Variants in CCDC3 observed in about 807,000 individuals in gnomAD.
The protein encoded by CCDC3 is coiled-coil domain-containing protein 3.
In CCDC3, 24 loss-of-function variants were observed where a neutral mutation model predicts 21.4. That is an observed-to-expected ratio of 1.12 (90% CI 0.81 to 1.58). The LOEUF is 1.58. CCDC3 is among the 40% of genes most tolerant of loss of function. The probability of loss-of-function intolerance (pLI) is 0.00; values close to 1 mark genes in which losing one functional copy is unlikely to be tolerated. For synonymous variants in CCDC3, 186 were observed against 166.0 expected (o/e 1.12, Z -0.93); for missense variants, 425 against 360.9 (o/e 1.18, Z -1.44).
At chr10:13,088,013 G>T (rs1837133478) in intron 3 of CCDC3, among the ~76,000 whole-genome samples, 1 of 152,170 alleles carries the variant, frequency 6.6e-6, no homozygotes, top group South Asian at 2.1e-4. Context: ...TTTGAGAAAG[G>T]AGTTACTTCC....
At chr10:13,065,056 G>A (rs1206706857) in intron 4 of CCDC3, among the ~76,000 whole-genome samples, 1 of 152,108 alleles carries the variant, frequency 6.6e-6, no homozygotes, top group Non-Finnish European at 1.5e-5. Flanking sequence ...GCAGCCCCAA[G>A]ATTTCCGAGA....
chr10:13,010,497 C>T (rs1411276925), intron 5 of CCDC3, among the ~76,000 whole-genome samples: 2 of 152,110 alleles, frequency 1.3e-5, no homozygotes, highest in Non-Finnish European at 1.5e-5. Context: ...CATGAAGGAA[C>T]TGGAACTCTC....
chr10:12,995,995 A>T (rs1835756602), intron 2 of CCDC3, among the ~76,000 whole-genome samples: 1 of 152,212 alleles, frequency 6.6e-6, no homozygotes, highest in Non-Finnish European at 1.5e-5. Context: ...AAAGATCAGA[A>T]TAATATCTGA....
chr10:12,908,764 T>C (rs12220856), intron 2 of CCDC3, among the ~76,000 whole-genome samples: 25,506 of 152,026 alleles, frequency 0.17, 3,059 homozygotes, highest in African/African-American at 0.33. Context: ...GGCTACTTTT[T>C]GTATTTTTAG....
chr10:13,065,700 C>T (rs1230465933), intron 4 of CCDC3, among the ~76,000 whole-genome samples: 1 of 152,214 alleles, frequency 6.6e-6, no homozygotes, highest in Non-Finnish European at 1.5e-5. Context: ...CCCACTTGAA[C>T]CCACGTTGAC....
At chr10:13,062,296 T>C (rs772672089) in intron 4 of CCDC3, among the ~76,000 whole-genome samples, 16 of 152,108 alleles carry the variant, frequency 1.1e-4, no homozygotes, top group Non-Finnish European at 1.2e-4. Flanking sequence ...ACTAACCGAG[T>C]TTCCCTTTTG....
chr10:13,079,606 G>A (rs1004585725), intron 3 of CCDC3, among the ~76,000 whole-genome samples: 5 of 152,132 alleles, frequency 3.3e-5, no homozygotes, highest in East Asian at 1.9e-4. Context: ...TGGGGGTGGC[G>A]GTGAAGTATT....
intron 4 of CCDC3, among the ~76,000 whole-genome samples, chr10:13,072,258 G>A (rs528075329): frequency 6.6e-6 from 1 of 152,170 alleles, no homozygotes; most frequent in South Asian, 2.1e-4. Context: ...TTTTCTGCTG[G>A]GGATACTTAG....
intron 5 of CCDC3, among the ~76,000 whole-genome samples, chr10:13,042,488 A>T (rs1836470281): frequency 6.6e-6 from 1 of 152,254 alleles, no homozygotes; most frequent in Admixed American, 6.5e-5. Context: ...ACTAGCTCAA[A>T]GCCTGGTTGA....
intron 2 of CCDC3, among the ~76,000 whole-genome samples, chr10:12,919,578 A>G (rs1834413580): frequency 1.7e-5 from 2 of 118,428 alleles, no homozygotes; most frequent in African/African-American, 6.5e-5. Flanking sequence ...CTACAGAGCA[A>G]GACTGTCTAA....
intron 2 of CCDC3, among the ~76,000 whole-genome samples, chr10:12,957,059 T>G (rs11258081): frequency 0.52 from 78,429 of 152,132 alleles, 22,822 homozygotes; most frequent in Non-Finnish European, 0.65. Flanking sequence ...ACCTAAAAAC[T>G]GTTCCTTTGA....
In CCDC3 at chr10:12,969,521, G is replaced by A. The variant is rs116142698; in HGVS notation, c.549+28817C>T. ...TAGTACATAAGATTCAGAAGCTTACGTACCCAGTAGTAAACCGACTACTGG... is the reference window on the plus strand; with the variant it reads ...TAGTACATAAGATTCAGAAGCTTACATACCCAGTAGTAAACCGACTACTGG... On this transcript the variant is annotated intron_variant, in intron 2 of 2. Transcript: ENST00000378825. Among the ~76,000 whole-genome samples the A allele has an allele frequency of 2.7e-3, 417 of 151,686 alleles. 3 individuals are homozygous for A. The highest frequency in any genetic ancestry group is 9.0e-3 in the African/African-American group (373 of 41,436).
chr10:12,932,099 CAG>C (rs1186880752), intron 2 of CCDC3, among the ~76,000 whole-genome samples: 2 of 152,136 alleles, frequency 1.3e-5, no homozygotes, highest in Admixed American at 6.5e-5. Context: ...TATCTTTCTT[CAG>C]AGTTTTGTAG....
intron 5 of CCDC3, among the ~76,000 whole-genome samples, chr10:13,031,248 G>T (rs976172254): frequency 1.3e-5 from 2 of 152,120 alleles, no homozygotes; most frequent in African/African-American, 4.8e-5. Flanking sequence ...AGTGACTACT[G>T]GGTAAATAAC....
At position 13,001,498 on chromosome 10, in the gene CCDC3, G is replaced by A. The variant is rs1442669553; in HGVS notation, c.73C>T (p.Pro25Ser). Reference sequence around the variant, plus strand: ...TCGCTCAGGGGCCTCCACTCGGAGGGCAGCTGGCAGGCGCGCGCGGGCGCT... The same window carrying A: ...TCGCTCAGGGGCCTCCACTCGGAGGACAGCTGGCAGGCGCGCGCGGGCGCT... ...PPAPARACQL[P>S]SEWRPLSEGC... The change falls in exon 1 of 3, where the codon CCC becomes TCC. Residue 25 changes from proline (P) to serine (S), a missense_variant. Coordinates refer to ENST00000378825, the MANE Select transcript of CCDC3 (RefSeq NM_031455.4). 2 of 1,340,416 alleles carry A rather than the reference G, an allele frequency of 1.5e-6. No individual in the cohort carries two copies. Among genetic ancestry groups the A allele is most frequent in the African/African-American group, 1.5e-5 (1 of 64,842 alleles). The allele number at this position is 1,340,416 out of a possible 1,614,324, so 83.0% of individuals were successfully genotyped here. A position where few individuals can be genotyped will look rare whatever the true frequency, so the allele number is the denominator to read the frequency against.
intron 3 of CCDC3, among the ~76,000 whole-genome samples, chr10:13,082,453 G>A (rs1413134793): frequency 6.6e-6 from 1 of 152,240 alleles, no homozygotes; most frequent in East Asian, 1.9e-4. Context: ...AGTGGACCAG[G>A]AGCGTGACCG....
intron 5 of CCDC3, among the ~76,000 whole-genome samples, chr10:13,029,449 C>T (rs1466930863): frequency 6.6e-6 from 1 of 152,144 alleles, no homozygotes; most frequent in Non-Finnish European, 1.5e-5. Context: ...AGGAATGCAG[C>T]TCATCGCCAA....
chr10:13,048,048 C>T (rs764161468), intron 5 of CCDC3, among the ~76,000 whole-genome samples: 3 of 152,124 alleles, frequency 2.0e-5, no homozygotes, highest in East Asian at 1.9e-4. Flanking sequence ...ATGCACCTCA[C>T]GCGCAATGTA....
At chr10:13,029,523 C>T (rs547715860) in intron 5 of CCDC3, among the ~76,000 whole-genome samples, 23 of 152,152 alleles carry the variant, frequency 1.5e-4, no homozygotes, top group Non-Finnish European at 1.8e-4. Context: ...TTCAGACGAT[C>T]GGTAATAATA....
Sources: gnomAD v4.1 joint callset for allele counts (sites outside exome capture counted in the v4.1 genomes callset) on GRCh38, gnomAD v4.1.1 for gene constraint, MANE v1.5 for transcripts, NCBI Gene and HGNC (gene_info 2026-07-23, HGNC 2026-07-21) for gene names.